Variants in EML5 observed in about 807,000 individuals in gnomAD.
EML5 encodes the protein echinoderm microtubule-associated protein-like 5.
A neutral mutation model predicts 250.0 loss-of-function variants in EML5; 120 were observed. The ratio of observed to expected loss-of-function variants is 0.48; its 90% CI spans 0.41 to 0.56. The LOEUF is 0.56. Among genes scored for constraint, EML5 ranks in the 20% least tolerant of loss-of-function variants. EML5 has a pLI of 0.00. For missense variants in EML5, 2,006 were observed against 2,437.6 expected, an observed-to-expected ratio of 0.82 and a Z score of 3.73; for synonymous variants, 771 against 806.5, an observed-to-expected ratio of 0.96 and a Z score of 0.75.
intron 1 of EML5, among the ~76,000 whole-genome samples, chr14:88,771,906 C>G (rs1299246653): frequency 6.6e-6 from 1 of 152,278 alleles, no homozygotes; most frequent in Non-Finnish European, 1.5e-5. Context: ...AGGGCTTTGT[C>G]TTGGCTGTTT....
intron 28 of EML5, 84 bp downstream of exon 28, chr14:88,649,828 G>A: frequency 8.9e-7 from 1 of 1,123,074 alleles, no homozygotes; most frequent in South Asian, 1.6e-5. Flanking sequence ...ATGTTTTATA[G>A]GGAAAAAATA....
chr14:88,726,772 A>C, intron 7 of EML5, 94 bp from the exon 8 acceptor site: 1 of 872,562 alleles, frequency 1.1e-6, no homozygotes, highest in Non-Finnish European at 1.6e-6. Flanking sequence ...AATTAAGATA[A>C]ATCTAGATAT....
chr14:88,729,709 G>T (rs1414915283), intron 7 of EML5, among the ~76,000 whole-genome samples: 1 of 151,828 alleles, frequency 6.6e-6, no homozygotes, highest in East Asian at 1.9e-4. Flanking sequence ...ACAAGCATGT[G>T]CCACCATTCC....
At chr14:88,739,444 T>A (rs1230350944) in intron 5 of EML5, among the ~76,000 whole-genome samples, 2 of 152,164 alleles carry the variant, frequency 1.3e-5, no homozygotes, top group African/African-American at 4.8e-5. Flanking sequence ...CATGACTATA[T>A]ATAACCAAGG....
At chr14:88,624,949 G>A (rs2089694284) in intron 36 of EML5, 21 bp downstream of exon 36, 3 of 1,611,686 alleles carry the variant, frequency 1.9e-6, no homozygotes, top group Non-Finnish European at 2.5e-6. Context: ...TAAATATTCT[G>A]TGAAAAGAAA....
Position 88,622,655 on chromosome 14 carries a change from C to A in EML5, c.4962G>T (p.Arg1654Ser), listed in dbSNP as rs1459386697. 1 of 1,611,700 alleles carries A rather than the reference C, an allele frequency of 6.2e-7. No individual in the cohort carries two copies. Among genetic ancestry groups the A allele is most frequent in the Admixed American group, 1.7e-5 (1 of 59,764 alleles). The change falls in exon 37 of 44, where the codon AGG becomes AGT. Residue 1654 changes from arginine to serine, a missense_variant. Physicochemically the swap from Arg to Ser is moderately radical, Grantham distance 110 (BLOSUM62 -1). Around this residue, in one of 7 missense-constraint regions of EML5, gnomAD observed 405 missense variants for 523.3 expected, o/e 0.77. Transcript: ENST00000554922. ...DQELRRCRAFRLETGQATDCV... is the reference protein window; with the variant it reads ...DQELRRCRAFSLETGQATDCV... ...AATCTGTGGCTTGTCCTGTCTCAAG[C>A]CTGAAGGCACGGCACCGCCTCAGTT...
At chr14:88,680,168 GT>G in intron 21 of EML5, among the ~76,000 whole-genome samples, 1 of 151,790 alleles carries the variant, frequency 6.6e-6, no homozygotes, top group South Asian at 2.1e-4. Context: ...TATATATTTA[GT>G]TTCACTAATT....
chr14:88,703,402 G>T (rs1239040426), intron 13 of EML5, among the ~76,000 whole-genome samples: 2 of 152,016 alleles, frequency 1.3e-5, no homozygotes, highest in Non-Finnish European at 2.9e-5. Context: ...TGGACCATGA[G>T]AATACAACGT....
In EML5 at chr14:88,792,518, C is replaced by T; in HGVS notation, c.-15G>A. ...CGGGCCGCCATGTCGGGGCGCCCAC[C>T]CGCCGCTCCCGCTCGGGCCCGCGGC... On this transcript the variant is annotated 5_prime_UTR_variant, in exon 1 of 44. Transcript: ENST00000554922. The surrounding 1 kb of genome is among the most constrained non-coding windows in gnomAD (Gnocchi z 6.9). 1 of 1,346,890 alleles carries T rather than the reference C, an allele frequency of 7.4e-7. No individual in the cohort carries two copies. Among genetic ancestry groups the T allele is most frequent in the Non-Finnish European group, 9.6e-7 (1 of 1,040,140 alleles). The allele number at this position is 1,346,890 out of a possible 1,614,324, so 83.4% of individuals were successfully genotyped here.
rs189843289 is a variant in EML5, at chr14:88,697,945, C to T, written c.2239-993G>A. ...AGACACAGGGTTTCTCCATGTTGGT[C>T]AGGCTGGTCTCAAACTCCCGACCTC... On this transcript the variant is annotated intron_variant, in intron 14 of 43. Transcript: ENST00000554922. Among the ~76,000 whole-genome samples, 392 of 152,132 alleles carry T rather than the reference C, an allele frequency of 2.6e-3. 2 individuals are homozygous for T. The highest frequency in any genetic ancestry group is 8.6e-3 in the African/African-American group (358 of 41,498).
chr14:88,723,762 CA>C (rs1162865080), intron 8 of EML5, among the ~76,000 whole-genome samples: 3 of 151,876 alleles, frequency 2.0e-5, no homozygotes, highest in African/African-American at 7.3e-5. Context: ...TGGGGGGACA[CA>C]AAAATAAATT....
intron 8 of EML5, among the ~76,000 whole-genome samples, chr14:88,718,141 A>G (rs1566691366): frequency 6.6e-6 from 1 of 152,136 alleles, no homozygotes; most frequent in Non-Finnish European, 1.5e-5. Context: ...CGGCCCATAG[A>G]CAGATGATCA....
At chr14:88,684,994 C>A (rs1238637070) in intron 20 of EML5, 21 bp downstream of exon 20, 10 of 1,572,908 alleles carry the variant, frequency 6.4e-6, no homozygotes, top group African/African-American at 4.1e-5. Flanking sequence ...GAAAAAAAAA[C>A]AAATTAGCAT....
intron 42 of EML5, 130 bp downstream of exon 42, chr14:88,616,596 T>C: frequency 1.1e-6 from 1 of 914,334 alleles, no homozygotes; most frequent in Non-Finnish European, 1.6e-6. Flanking sequence ...TCAAAGTAAA[T>C]AGATTTAGAA....
chr14:88,625,666 T>C (rs908836978), intron 35 of EML5: 1 of 153,488 alleles, frequency 6.5e-6, no homozygotes, highest in African/African-American at 2.4e-5. Flanking sequence ...CCTCCCTAAG[T>C]GCTGGGATTA....
chr14:88,685,370 C>T (rs2092810007), intron 19 of EML5, among the ~76,000 whole-genome samples: 1 of 152,042 alleles, frequency 6.6e-6, no homozygotes, highest in African/African-American at 2.4e-5. Context: ...TCTCACATTC[C>T]CTCCTACCAT....
intron 28 of EML5, among the ~76,000 whole-genome samples, chr14:88,647,166 GC>G (rs1223872973): frequency 6.6e-6 from 1 of 152,056 alleles, no homozygotes; most frequent in Non-Finnish European, 1.5e-5. Flanking sequence ...TTCGAGACCA[GC>G]CTGGCCAACA....
chr14:88,785,087 G>A (rs967772878), intron 1 of EML5, among the ~76,000 whole-genome samples: 1 of 152,172 alleles, frequency 6.6e-6, no homozygotes, highest in Non-Finnish European at 1.5e-5. Flanking sequence ...GCCAGGCAAA[G>A]AAAGACAAAC....
At chr14:88,772,536 C>T (rs2094403931) in intron 1 of EML5, among the ~76,000 whole-genome samples, 1 of 152,138 alleles carries the variant, frequency 6.6e-6, no homozygotes, top group South Asian at 2.1e-4. Context: ...AGGCAGATCA[C>T]GAGGTCAGGA....
Sources: allele counts gnomAD v4.1 joint callset (sites outside exome capture counted in the v4.1 genomes callset), GRCh38; gene constraint gnomAD v4.1.1; regional missense constraint gnomAD v4.1.1; non-coding constraint Gnocchi (gnomAD v3.1); transcripts MANE v1.5; gene names NCBI Gene and HGNC (gene_info 2026-07-23, HGNC 2026-07-21).